Variants in HDAC9 observed in about 807,000 individuals in gnomAD.
HDAC9 encodes MEF-2 interacting transcription repressor (MITR) protein.
In HDAC9, 41 loss-of-function variants were observed where a neutral mutation model predicts 139.4. The ratio of observed to expected loss-of-function variants is 0.29; its 90% CI spans 0.23 to 0.38. The LOEUF (loss-of-function observed/expected upper bound fraction) is 0.38. HDAC9 is among the 10% of genes least tolerant of loss of function. The pLI is 1.00. For synonymous variants in HDAC9, 517 were observed against 476.2 expected (o/e 1.09, Z -1.12); for missense variants, 1,147 against 1,297.0 (o/e 0.88, Z 1.78).
At chr7:18,485,242 CAT>C (rs1795888864) in intron 1 of HDAC9, among the ~76,000 whole-genome samples, 1 of 152,116 alleles carries the variant, frequency 6.6e-6, no homozygotes, top group African/African-American at 2.4e-5. Flanking sequence ...CTTCGTTTCT[CAT>C]ATTAAAATGT....
chr7:18,972,520 A>G (rs1585443327), intron 24 of HDAC9, among the ~76,000 whole-genome samples: 1 of 151,926 alleles, frequency 6.6e-6, no homozygotes, highest in African/African-American at 2.4e-5. Context: ...AGCCAGGATT[A>G]TAGGCATGCA....
At chr7:18,640,078 C>T (rs1488386051) in intron 8 of HDAC9, among the ~76,000 whole-genome samples, 1 of 151,664 alleles carries the variant, frequency 6.6e-6, no homozygotes, top group African/African-American at 2.4e-5. Flanking sequence ...ATTCTATATC[C>T]ACATTTCTGT....
chr7:18,107,231 C>G (rs572062927), intron 1 of HDAC9, among the ~76,000 whole-genome samples: 8 of 152,194 alleles, frequency 5.3e-5, no homozygotes, highest in African/African-American at 1.9e-4. Flanking sequence ...TGGTAAATAT[C>G]CGTTTCTTTT....
chr7:18,150,972 TAATACA>T (rs1289349984), intron 1 of HDAC9, among the ~76,000 whole-genome samples: 2 of 152,230 alleles, frequency 1.3e-5, no homozygotes, highest in African/African-American at 2.4e-5. Context: ...GCTAGGACTT[TAATACA>T]ATCTAAAGGG....
At chr7:18,706,785 T>A (rs1783959816) in intron 12 of HDAC9, among the ~76,000 whole-genome samples, 1 of 152,160 alleles carries the variant, frequency 6.6e-6, no homozygotes, top group Non-Finnish European at 1.5e-5. Context: ...GACTAGAATG[T>A]CAAGAGTGCT....
In HDAC9 at chr7:18,451,938, C is replaced by T. The variant is rs1357881937; in HGVS notation, c.-41-44324C>T. Among the ~76,000 whole-genome samples, 4 of 152,198 alleles carry T rather than the reference C, an allele frequency of 2.6e-5. No homozygotes were observed. The East Asian group carries it at 5.8e-4, about 22-fold the overall frequency. The stretch of plus-strand genomic sequence containing the variant: ...CATGGCAATGTCACCTAAATCTGCC[C>T]CAGTTCAGCCATCGTTATGGTAGAT... On this transcript the variant is annotated intron_variant, in intron 1 of 3. Coordinates refer to the HDAC9 transcript ENST00000413509.
At chr7:18,756,475 C>T (rs893755741) in intron 14 of HDAC9, among the ~76,000 whole-genome samples, 3 of 152,184 alleles carry the variant, frequency 2.0e-5, no homozygotes, top group African/African-American at 7.2e-5. Flanking sequence ...TTTGAAAATC[C>T]TTATTCAGGT....
chr7:18,096,317 A>T (rs958147661), intron 1 of HDAC9, among the ~76,000 whole-genome samples: 3 of 152,160 alleles, frequency 2.0e-5, no homozygotes, highest in Admixed American at 6.5e-5. Context: ...CTCTAAACAG[A>T]CTTTATTTGT....
chr7:18,263,431 T>C (rs2128208221), intron 2 of HDAC9, among the ~76,000 whole-genome samples: 1 of 152,160 alleles, frequency 6.6e-6, no homozygotes, highest in Middle Eastern at 3.4e-3. Context: ...GGTACTGAGG[T>C]GTAAAAGGAA....
intron 21 of HDAC9, among the ~76,000 whole-genome samples, chr7:18,841,830 A>G (rs183386743): frequency 6.6e-6 from 1 of 152,206 alleles, no homozygotes; most frequent in Admixed American, 6.6e-5. Flanking sequence ...CTCATCTGAC[A>G]TAGTAAGAGA....
At chr7:18,978,987 A>G (rs1440110295) in intron 25 of HDAC9, among the ~76,000 whole-genome samples, 2 of 152,180 alleles carry the variant, frequency 1.3e-5, no homozygotes, top group Non-Finnish European at 2.9e-5. Flanking sequence ...ACAAACTTGA[A>G]AGTTAGATTT....
chr7:18,375,628 T>A (rs934330689), intron 1 of HDAC9, among the ~76,000 whole-genome samples: 1 of 151,848 alleles, frequency 6.6e-6, no homozygotes, highest in Admixed American at 6.6e-5. Context: ...CGCTGAGGGG[T>A]GAATGGGTGC....
intron 2 of HDAC9, among the ~76,000 whole-genome samples, chr7:18,188,888 G>A (rs1032484902): frequency 2.0e-5 from 3 of 152,320 alleles, no homozygotes; most frequent in Middle Eastern, 6.8e-3. Context: ...CTTTTACACT[G>A]TTGGTGGGGA....
intron 8 of HDAC9, among the ~76,000 whole-genome samples, chr7:18,643,589 T>C (rs773201467): frequency 2.0e-5 from 3 of 152,084 alleles, no homozygotes; most frequent in Non-Finnish European, 4.4e-5. Flanking sequence ...CATTCTGAGG[T>C]TGCATTGTAT....
At chr7:18,339,219 A>G (rs117860487) in intron 1 of HDAC9, among the ~76,000 whole-genome samples, 1 of 150,754 alleles carries the variant, frequency 6.6e-6, no homozygotes. Flanking sequence ...TCAGCTTTTG[A>G]TTTCATTGAT....
In HDAC9 at chr7:18,354,158, A is replaced by C. The variant is rs981574091; in HGVS notation, c.-42+63643A>C. The stretch of plus-strand genomic sequence containing the variant: ...TGATTCAAATAGAAAACCTATTTTA[A>C]ATCAGCCCTACTGAATGAACTATAC... On this transcript the variant is annotated intron_variant, in intron 1 of 3. Transcript: ENST00000413509. Among the ~76,000 whole-genome samples the C allele has an allele frequency of 5.4e-4, 82 of 152,166 alleles. 1 individual carries two copies. The highest frequency in any genetic ancestry group is 5.4e-3 in the Admixed American group (82 of 15,268).
intron 12 of HDAC9, among the ~76,000 whole-genome samples, chr7:18,701,735 G>C (rs566533236): frequency 6.6e-6 from 1 of 152,280 alleles, no homozygotes; most frequent in African/African-American, 2.4e-5. Flanking sequence ...AGTGAACAGG[G>C]AACATCCATT....
intron 2 of HDAC9, among the ~76,000 whole-genome samples, chr7:18,223,511 T>C (rs967340173): frequency 6.6e-6 from 1 of 151,914 alleles, no homozygotes; most frequent in Admixed American, 6.6e-5. Flanking sequence ...TAATCACTTA[T>C]CCAAGGCTAC....
At chr7:18,517,535 T>A in intron 2 of HDAC9, 1 of 152,198 alleles carries the variant, frequency 6.6e-6, no homozygotes, top group Non-Finnish European at 1.5e-5. Context: ...CTCATAGTTC[T>A]TCTATACATT....
Sources: gnomAD v4.1 joint callset for allele counts (sites outside exome capture counted in the v4.1 genomes callset) on GRCh38, gnomAD v4.1.1 for gene constraint, MANE v1.5 for transcripts, NCBI Gene and HGNC (gene_info 2026-07-23, HGNC 2026-07-21) for gene names.